Variants in MAP2K6 observed in about 807,000 individuals in gnomAD.
MAP2K6 encodes dual specificity mitogen-activated protein kinase kinase 6.
In MAP2K6, 16 loss-of-function variants were observed where a neutral mutation model predicts 53.7. That is an observed-to-expected ratio of 0.30 (90% CI 0.20 to 0.45). The LOEUF is 0.45. Ranked by LOEUF, MAP2K6 falls within the 20% of genes least tolerant of loss-of-function variation. MAP2K6 has a pLI of 1.00. For missense variants in MAP2K6, 204 were observed against 411.9 expected (o/e 0.50, Z 4.37); for synonymous variants, 132 against 143.1 (o/e 0.92, Z 0.55).
At chr17:69,472,073 G>C (rs1907999821) in intron 1 of MAP2K6, among the ~76,000 whole-genome samples, 1 of 152,084 alleles carries the variant, frequency 6.6e-6, no homozygotes, top group East Asian at 1.9e-4. Context: ...TGAGCATGTT[G>C]ATTTCAAGTC....
At chr17:69,435,667 A>G (rs1026113355) in intron 1 of MAP2K6, 1 of 152,048 alleles carries the variant, frequency 6.6e-6, no homozygotes, top group Non-Finnish European at 1.5e-5. Flanking sequence ...TAAAAGTTAA[A>G]AAAAAAATTT....
chr17:69,483,157 CTGTT>C (rs1908408199), intron 1 of MAP2K6, among the ~76,000 whole-genome samples: 1 of 151,920 alleles, frequency 6.6e-6, no homozygotes, highest in East Asian at 1.9e-4. Context: ...AAGATGATCT[CTGTT>C]TGTAGATAAC....
At chr17:69,521,210 G>A in intron 7 of MAP2K6, 110 bp downstream of exon 7, 2 of 872,458 alleles carry the variant, frequency 2.3e-6, no homozygotes. Flanking sequence ...ATTGACTCAG[G>A]CAAGAGAACT....
At chr17:69,490,747 A>G (rs1034596679) in intron 1 of MAP2K6, among the ~76,000 whole-genome samples, 18 of 152,038 alleles carry the variant, frequency 1.2e-4, no homozygotes, top group Non-Finnish European at 1.0e-4. Context: ...GTTCAGGGGT[A>G]CATGTGCAGG....
intron 6 of MAP2K6, chr17:69,520,704 T>C (rs1412393524): frequency 2.6e-6 from 1 of 377,616 alleles, no homozygotes; most frequent in Non-Finnish European, 4.7e-6. Flanking sequence ...TAAAATGTTC[T>C]CTTGAGACTA....
intron 2 of MAP2K6, among the ~76,000 whole-genome samples, chr17:69,516,397 G>T (rs540605693): frequency 1.3e-5 from 2 of 152,142 alleles, no homozygotes; most frequent in Non-Finnish European, 2.9e-5. Flanking sequence ...TAATGTGAGC[G>T]ATGGGGAGCT....
At chr17:69,450,482 C>CT (rs1907183790) in intron 1 of MAP2K6, among the ~76,000 whole-genome samples, 2 of 152,172 alleles carry the variant, frequency 1.3e-5, no homozygotes, top group African/African-American at 4.8e-5. Context: ...TCCACAAGTG[C>CT]TTTTTTCCTT....
At position 69,478,649 on chromosome 17, in the gene MAP2K6, T is replaced by C. The variant is rs1026145417; in HGVS notation, c.17-27131T>C. ...GGGTTTCATCATGTTGGTCTCGAAC[T>C]CCTGACCTCAGGTGATCTACTTGCC... On this transcript the variant is annotated intron_variant, in intron 1 of 11. Transcript: ENST00000590474. Among the ~76,000 whole-genome samples the C allele has an allele frequency of 1.7e-4, 26 of 152,258 alleles. 1 individual carries two copies. The highest frequency in any genetic ancestry group is 6.3e-4 in the African/African-American group (26 of 41,540).
At chr17:69,475,415 G>A (rs1478861531) in intron 1 of MAP2K6, among the ~76,000 whole-genome samples, 5 of 152,184 alleles carry the variant, frequency 3.3e-5, no homozygotes, top group South Asian at 2.1e-4. Flanking sequence ...TGATCCGCCC[G>A]TCTCGGCCTC....
At chr17:69,505,738 A>G (rs887537720) in intron 1 of MAP2K6, 42 bp from the exon 2 acceptor site, 8 of 1,506,372 alleles carry the variant, frequency 5.3e-6, no homozygotes, top group East Asian at 2.3e-5. Flanking sequence ...CTATCTTGCT[A>G]TGATTTAGTC....
intron 2 of MAP2K6, among the ~76,000 whole-genome samples, chr17:69,514,804 C>T (rs1204995608): frequency 4.6e-5 from 7 of 152,208 alleles, no homozygotes; most frequent in Admixed American, 3.3e-4. Context: ...TCAGGTGATC[C>T]GCCCACCTCA....
intron 1 of MAP2K6, among the ~76,000 whole-genome samples, chr17:69,439,560 C>A (rs1180963678): frequency 6.6e-6 from 1 of 152,152 alleles, no homozygotes; most frequent in Non-Finnish European, 1.5e-5. Flanking sequence ...AATTGCTTTT[C>A]TAGGTTGTGT....
Position 69,541,812 on chromosome 17 carries a change from A to C in MAP2K6, c.*59A>C. ...GGATTGGTGGGTTTCGGGGTGAAGCAAGTTCACTACAGCATCAATAGAAAG... is the reference window on the plus strand; with the variant it reads ...GGATTGGTGGGTTTCGGGGTGAAGCCAGTTCACTACAGCATCAATAGAAAG... On this transcript the variant is annotated 3_prime_UTR_variant, in exon 12 of 12. Coordinates refer to ENST00000590474, the MANE Select transcript of MAP2K6 (RefSeq NM_002758.4). 1 of 1,255,316 alleles carries C rather than the reference A, an allele frequency of 8.0e-7. No individual in the cohort carries two copies. The highest frequency in any genetic ancestry group is 1.2e-6 in the Non-Finnish European group (1 of 860,396). 77.8% of individuals were successfully genotyped at this position (1,255,316 alleles called of 1,614,324 possible).
At chr17:69,462,748 C>A (rs1356169932) in intron 1 of MAP2K6, among the ~76,000 whole-genome samples, 1 of 152,136 alleles carries the variant, frequency 6.6e-6, no homozygotes, top group African/African-American at 2.4e-5. Flanking sequence ...GTTCTTGCTG[C>A]TTTCCTTCCC....
At position 69,518,653 on chromosome 17, in the gene MAP2K6, A is replaced by T. The variant is rs374502932; in HGVS notation, c.247-660A>T. Among the ~76,000 whole-genome samples the T allele has an allele frequency of 5.3e-5, 8 of 152,326 alleles. No homozygotes were observed. The East Asian group carries it at 1.5e-3, about 29-fold the overall frequency. On this transcript the variant is annotated intron_variant, in intron 4 of 11. Coordinates refer to ENST00000590474, the MANE Select transcript of MAP2K6 (RefSeq NM_002758.4). ...GATCCTTTTGCTTTTAAAGAATGGGAATACTTTTATCTTGTAGATTTTTCA... is the reference window on the plus strand; with the variant it reads ...GATCCTTTTGCTTTTAAAGAATGGGTATACTTTTATCTTGTAGATTTTTCA...
intron 1 of MAP2K6, among the ~76,000 whole-genome samples, chr17:69,429,621 A>G (rs755200720): frequency 3.9e-5 from 6 of 152,156 alleles, no homozygotes; most frequent in Non-Finnish European, 8.8e-5. Flanking sequence ...ATGCAGCTTT[A>G]TTTTCTTTAT....
chr17:69,451,641 T>C (rs989016653), intron 1 of MAP2K6, among the ~76,000 whole-genome samples: 12 of 151,772 alleles, frequency 7.9e-5, no homozygotes, highest in African/African-American at 2.9e-4. Context: ...AAAGGAGGAG[T>C]TGAATGAGGA....
At position 69,521,185 on chromosome 17, in the gene MAP2K6, A is replaced by G. The variant is rs529036757; in HGVS notation, c.535+85A>G. On this transcript the variant is annotated intron_variant, in intron 7 of 11. Transcript: ENST00000590474. ...AGTCCGTCTCTACCCCCAGTCCCCC[A>G]TGGGTGGAAGTAGAATTGACTCAGG... The G allele has an allele frequency of 1.9e-5, 23 of 1,208,940 alleles. No individual in the cohort carries two copies. In the African/African-American group the frequency reaches 3.3e-4, roughly 18 times the overall value. 74.9% of individuals were successfully genotyped at this position (1,208,940 alleles called of 1,614,324 possible).
chr17:69,466,456 T>A (rs1035025757), intron 1 of MAP2K6, among the ~76,000 whole-genome samples: 1 of 152,208 alleles, frequency 6.6e-6, no homozygotes, highest in Non-Finnish European at 1.5e-5. Context: ...TTTACTATGA[T>A]CTCCGTTTTC....
Sources: allele counts gnomAD v4.1 joint callset (sites outside exome capture counted in the v4.1 genomes callset), GRCh38; gene constraint gnomAD v4.1.1; transcripts MANE v1.5; gene names NCBI Gene and HGNC (gene_info 2026-07-23, HGNC 2026-07-21).